Variants in CYB5R4 observed in about 807,000 individuals in gnomAD.
CYB5R4 encodes N-terminal cytochrome b5 and cytochrome b5 oxidoreductase domain-containing protein.
Under a neutral mutation model 70.2 loss-of-function variants are expected in CYB5R4, and 55 were observed. That is an observed-to-expected ratio of 0.78 (90% CI 0.63 to 0.98). The LOEUF is 0.98. CYB5R4 is among the 50% of genes least tolerant of loss of function. CYB5R4 has a pLI of 0.00. For missense variants in CYB5R4, 562 were observed against 612.6 expected (o/e 0.92, Z 0.87); for synonymous variants, 197 against 199.5 (o/e 0.99, Z 0.11).
intron 2 of CYB5R4, among the ~76,000 whole-genome samples, chr6:83,874,135 C>T (rs1465162161): frequency 3.1e-5 from 2 of 65,428 alleles, no homozygotes; most frequent in Non-Finnish European, 5.3e-5. Context: ...TCTCCCCTCC[C>T]CTCCCTTCCC....
intron 2 of CYB5R4, among the ~76,000 whole-genome samples, chr6:83,889,937 A>G (rs1202066787): frequency 6.6e-6 from 1 of 152,152 alleles, no homozygotes; most frequent in East Asian, 1.9e-4. Context: ...GCACCAAGCC[A>G]TGAGAGATCT....
chr6:83,896,357 A>G (rs1302067185), intron 3 of CYB5R4, among the ~76,000 whole-genome samples: 1 of 152,122 alleles, frequency 6.6e-6, no homozygotes, highest in Admixed American at 6.6e-5. Context: ...GTACATTTAC[A>G]CTCATTAGCC....
chr6:83,877,779 C>A (rs913357171), intron 2 of CYB5R4, among the ~76,000 whole-genome samples: 1 of 152,124 alleles, frequency 6.6e-6, no homozygotes. Context: ...AGTAAGATTT[C>A]TTTTTTCTCT....
chr6:83,951,418 A>G lies in CYB5R4; in HGVS notation c.1347-3880A>G, dbSNP rs894599516. ...ATTATCTACATTAGGTATTTCTCCT[A>G]ATTCATCCCTCCCCTGCCCCTCCAC... On this transcript the variant is annotated intron_variant, in intron 14 of 15. Coordinates refer to ENST00000369681, the MANE Select transcript of CYB5R4 (RefSeq NM_016230.4). 4.8e-4 allele frequency among the ~76,000 whole-genome samples: 73 copies of G among 152,106 alleles called. 1 individual carries two copies. The highest frequency in any genetic ancestry group is 1.7e-3 in the African/African-American group (72 of 41,408).
In CYB5R4 at chr6:83,963,210, T is replaced by C. The variant is rs2129147307; in HGVS notation, c.*3332T>C. On this transcript the variant is annotated 3_prime_UTR_variant, in exon 16 of 16. Transcript: ENST00000369681. Reference sequence around the variant, plus strand: ...GCTATAGAAAGAACAGAGAAATTTGTCCAAGATAAGATGATTAGGTTTTGT... The same window carrying C: ...GCTATAGAAAGAACAGAGAAATTTGCCCAAGATAAGATGATTAGGTTTTGT... 6.6e-6 allele frequency: 1 copy of C among 152,324 alleles called. No individual in the cohort carries two copies. The highest frequency in any genetic ancestry group is 6.5e-5 in the Admixed American group (1 of 15,296). The allele number at this position is 152,324 out of a possible 1,614,324, so 9.4% of individuals were successfully genotyped here.
chr6:83,930,935 C>G lies in CYB5R4; in HGVS notation c.815-3660C>G, dbSNP rs577208120. ...AACTTTTCTTTTGTAGCTTCCTCAC[C>G]TCTCTCAGCCCTCCTAGAATTGAGA... On this transcript the variant is annotated intron_variant, in intron 10 of 15. Transcript: ENST00000369681. Among the ~76,000 whole-genome samples the G allele has an allele frequency of 4.6e-5, 7 of 152,300 alleles. No individual in the cohort carries two copies. In the South Asian group the frequency reaches 1.4e-3, roughly 32 times the overall value.
intron 4 of CYB5R4, chr6:83,910,241 A>G (rs982816799): frequency 6.5e-6 from 7 of 1,069,232 alleles, no homozygotes; most frequent in Non-Finnish European, 9.4e-6. Flanking sequence ...AAGTCAGTCA[A>G]AGTTCTTTCT....
Position 83,922,052 on chromosome 6 carries a change from C to A in CYB5R4, c.659-386C>A, listed in dbSNP as rs186890358. Among the ~76,000 whole-genome samples the A allele has an allele frequency of 2.8e-3, 433 of 152,204 alleles. 2 individuals are homozygous for A. Among genetic ancestry groups the A allele is most frequent in the African/African-American group, 0.01 (418 of 41,534 alleles). On this transcript the variant is annotated intron_variant, in intron 8 of 15. Transcript: ENST00000369681. ...AAAGGTAAGCTAGACCCAGACCTGG[C>A]CTCTGTTCACATACATACACACACA...
At chr6:83,881,835 C>A (rs2099459490) in intron 2 of CYB5R4, among the ~76,000 whole-genome samples, 1 of 152,182 alleles carries the variant, frequency 6.6e-6, no homozygotes, top group Non-Finnish European at 1.5e-5. Flanking sequence ...GTTGTCCTAG[C>A]AGCTTTTAAG....
chr6:83,882,509 A>G (rs910641477), intron 2 of CYB5R4, among the ~76,000 whole-genome samples: 1 of 152,184 alleles, frequency 6.6e-6, no homozygotes, highest in Non-Finnish European at 1.5e-5. Context: ...CTTTGCAGGA[A>G]TATTACAGAA....
At chr6:83,946,304 C>A (rs1416563392) in intron 14 of CYB5R4, among the ~76,000 whole-genome samples, 1 of 152,152 alleles carries the variant, frequency 6.6e-6, no homozygotes, top group East Asian at 1.9e-4. Flanking sequence ...ATCACATAAA[C>A]AGAACTGATG....
At position 83,918,049 on chromosome 6, in the gene CYB5R4, G is replaced by T; in HGVS notation, c.490G>T (p.Gly164Cys). Residue 164 changes from glycine (G) to cysteine (C), a missense_variant, in exon 6 of 16, where the codon GGT becomes TGT. Physicochemically the swap from Gly to Cys is radical, Grantham distance 159. Coordinates refer to ENST00000369681, the MANE Select transcript of CYB5R4 (RefSeq NM_016230.4). ...SQVTDTLAKE[G>C]PSYPSYDWFQ... ...AGTGACAGATACACTTGCCAAAGAA[G>T]GTCCTAGTTATCCAAGGTATGCATT... is the stretch of plus-strand genomic sequence containing the variant. The T allele has an allele frequency of 5.0e-6, 8 of 1,610,248 alleles. No individual in the cohort carries two copies. Among genetic ancestry groups the T allele is most frequent in the Non-Finnish European group, 6.8e-6 (8 of 1,177,194 alleles).
At chr6:83,867,202 G>A (rs1356471488) in intron 2 of CYB5R4, among the ~76,000 whole-genome samples, 1 of 152,124 alleles carries the variant, frequency 6.6e-6, no homozygotes, top group African/African-American at 2.4e-5. Flanking sequence ...ATGCTTTTGT[G>A]GTAGAGATAA....
At chr6:83,877,900 C>A (rs2099458827) in intron 2 of CYB5R4, among the ~76,000 whole-genome samples, 1 of 152,120 alleles carries the variant, frequency 6.6e-6, no homozygotes, top group Non-Finnish European at 1.5e-5. Context: ...AATTTTCAGC[C>A]ATTATCTCTT....
chr6:83,912,038 CAG>C (rs914092624), intron 4 of CYB5R4, among the ~76,000 whole-genome samples: 3 of 124,728 alleles, frequency 2.4e-5, no homozygotes, highest in African/African-American at 3.2e-5. Context: ...GCCTGGGTGA[CAG>C]AGAGAGGCCT....
At chr6:83,868,031 C>T (rs908543431) in intron 2 of CYB5R4, among the ~76,000 whole-genome samples, 6 of 152,182 alleles carry the variant, frequency 3.9e-5, no homozygotes, top group African/African-American at 1.4e-4. Flanking sequence ...TTCTTCACAG[C>T]TGTTCTAATT....
chr6:83,919,321 A>G, intron 6 of CYB5R4, 76 bp from the exon 7 acceptor site: 1 of 816,584 alleles, frequency 1.2e-6, no homozygotes, highest in Non-Finnish European at 1.9e-6. Context: ...ATAAATTTTA[A>G]ACATTTAATG....
chr6:83,888,553 A>G (rs1480903922), intron 2 of CYB5R4, among the ~76,000 whole-genome samples: 2 of 152,156 alleles, frequency 1.3e-5, no homozygotes, highest in African/African-American at 2.4e-5. Flanking sequence ...TCGAGCCCAT[A>G]TGAGATGGTA....
intron 14 of CYB5R4, among the ~76,000 whole-genome samples, chr6:83,951,475 C>T (rs999123929): frequency 6.6e-6 from 1 of 152,172 alleles, no homozygotes; most frequent in South Asian, 2.1e-4. Context: ...GAACGTTCCC[C>T]TCCCTGTGTC....
Sources: allele counts gnomAD v4.1 joint callset (sites outside exome capture counted in the v4.1 genomes callset), GRCh38; gene constraint gnomAD v4.1.1; transcripts MANE v1.5; gene names NCBI Gene and HGNC (gene_info 2026-07-23, HGNC 2026-07-21).